The following IHO1 variants were observed in gnomAD, a reference collection of about 807,000 sequenced individuals.
IHO1 encodes the protein interactor of HORMAD1 1.
A neutral mutation model predicts 31.0 loss-of-function variants in IHO1; 13 were observed. The observed-to-expected ratio is 0.42, with a 90% CI of 0.27 to 0.67. The LOEUF is 0.67. Ranked by LOEUF, IHO1 falls within the 30% of genes least tolerant of loss-of-function variation. The pLI is 0.24. For missense variants in IHO1, 599 were observed against 687.5 expected, an observed-to-expected ratio of 0.87 and a Z score of 1.44; for synonymous variants, 221 against 248.4, an observed-to-expected ratio of 0.89 and a Z score of 1.04.
intron 2 of IHO1, among the ~76,000 whole-genome samples, chr3:49,214,607 C>CATATATATATATATATATACATATAT (rs1575568932): frequency 8.1e-5 from 2 of 24,788 alleles, no homozygotes; most frequent in Non-Finnish European, 1.3e-4. Context: ...ATTTCTAGAT[C>CATATATATATATATATATACATATAT]ATATATATAT....
chr3:49,249,326 A>G (rs1267173757), intron 6 of IHO1, among the ~76,000 whole-genome samples: 1 of 151,698 alleles, frequency 6.6e-6, no homozygotes, highest in African/African-American at 2.4e-5. Context: ...GCTGAAGTGC[A>G]GTGGCGTGAT....
chr3:49,241,686 T>A (rs2046633913), intron 4 of IHO1, among the ~76,000 whole-genome samples: 2 of 151,982 alleles, frequency 1.3e-5, no homozygotes, highest in Admixed American at 6.6e-5. Flanking sequence ...AGTGGCACAA[T>A]CTTGGCTCAC....
chr3:49,219,794 G>A (rs1433839631), intron 2 of IHO1, among the ~76,000 whole-genome samples: 1 of 152,186 alleles, frequency 6.6e-6, no homozygotes, highest in Admixed American at 6.5e-5. Flanking sequence ...AAGCATCAGG[G>A]TAACAATGGG....
Position 49,234,888 on chromosome 3 carries a change from C to CGGAGTGGAGTG in IHO1, c.57-1660_57-1659insGGAGTGGAGTG, listed in dbSNP as rs1470731674. Among the ~76,000 whole-genome samples, 6 of 151,852 alleles carry CGGAGTGGAGTG rather than the reference C, an allele frequency of 4.0e-5. No homozygotes were observed. In the South Asian group the frequency reaches 6.2e-4, roughly 16 times the overall value. On this transcript the variant is annotated intron_variant, in intron 2 of 7. Transcript: ENST00000452691. ...TTGAGACTGAGTCTCACTGTATCACCCAGGCTGGAGTGCAGTGGCACAATC... is the reference window on the plus strand; with the variant it reads ...TTGAGACTGAGTCTCACTGTATCACCGGAGTGGAGTGCAGGCTGGAGTGCAGTGGCACAATC...
intron 2 of IHO1, among the ~76,000 whole-genome samples, chr3:49,227,211 C>T (rs1024512440): frequency 2.0e-5 from 3 of 152,198 alleles, no homozygotes; most frequent in African/African-American, 7.2e-5. Flanking sequence ...GTAATTTATA[C>T]TTCCCTCAGA....
At position 49,244,683 on chromosome 3, in the gene IHO1, G is replaced by T; in HGVS notation, c.482G>T (p.Ser161Ile). ...GTGGAAAAGTCTGAGGACCATCTCAGTTCAAGAAGCCAATCTATTTTGGAT... is the reference window on the plus strand; with the variant it reads ...GTGGAAAAGTCTGAGGACCATCTCATTTCAAGAAGCCAATCTATTTTGGAT... ...TSVEKSEDHL[S>I]SRSQSILDSL... Residue 161 changes from serine to isoleucine, a missense_variant, in exon 6 of 8, where the codon AGT becomes ATT. Ser to Ile is a moderately radical substitution (Grantham distance 142). Transcript: ENST00000452691. 6.2e-7 allele frequency: 1 copy of T among 1,614,176 alleles called. No homozygotes were observed. The highest frequency in any genetic ancestry group is 2.2e-5 in the East Asian group (1 of 44,888).
chr3:49,257,038 C>G lies in IHO1; in HGVS notation c.1541C>G (p.Pro514Arg). The part of the protein sequence containing the change: ...CPRSPRKPVC[P>R]ILGGTVMPNK... Reference sequence around the variant, plus strand: ...AGGAGCCCCAGAAAACCAGTCTGCCCTATTCTGGGAGGAACAGTCATGCCC... The same window carrying G: ...AGGAGCCCCAGAAAACCAGTCTGCCGTATTCTGGGAGGAACAGTCATGCCC... The change falls in exon 8 of 8, where the codon CCT becomes CGT. Residue 514 changes from proline to arginine, a missense_variant. Coordinates refer to ENST00000452691, the MANE Select transcript of IHO1 (RefSeq NM_001135197.2). The G allele has an allele frequency of 1.2e-6, 2 of 1,614,242 alleles. No individual in the cohort carries two copies. The highest frequency in any genetic ancestry group is 1.7e-6 in the Non-Finnish European group (2 of 1,180,040).
intron 2 of IHO1, 130 bp from the exon 3 acceptor site, chr3:49,236,418 A>C: frequency 1.6e-6 from 1 of 636,360 alleles, no homozygotes; most frequent in South Asian, 2.1e-5. Context: ...CTGACAATAT[A>C]CAGGGGACTT....
chr3:49,232,409 C>A (rs1293941585), intron 2 of IHO1, among the ~76,000 whole-genome samples: 1 of 152,196 alleles, frequency 6.6e-6, no homozygotes, highest in Non-Finnish European at 1.5e-5. Flanking sequence ...GCTACAAAGA[C>A]AGAAGCAGAA....
chr3:49,195,248 C>G (rs1435009884), upstream of IHO1, among the ~76,000 whole-genome samples: 2 of 151,264 alleles, frequency 1.3e-5, no homozygotes, highest in Admixed American at 1.3e-4. Flanking sequence ...GGTGAAACCC[C>G]GTCTCTACTA....
In IHO1 at chr3:49,226,096, A is replaced by G. The variant is rs537254999; in HGVS notation, c.57-10452A>G. ...AGTGTCCTTGCAAACCACACTGGTA[A>G]CAAGCCCTACCAGGTAATTGGCATG... is the stretch of plus-strand genomic sequence containing the variant. On this transcript the variant is annotated intron_variant, in intron 2 of 7. Coordinates refer to ENST00000452691, the MANE Select transcript of IHO1 (RefSeq NM_001135197.2). 1.6e-4 allele frequency among the ~76,000 whole-genome samples: 24 copies of G among 152,288 alleles called. No individual in the cohort carries two copies. In the South Asian group the frequency reaches 4.8e-3, roughly 30 times the overall value.
chr3:49,196,620 T>G (rs2045998030), upstream of IHO1, among the ~76,000 whole-genome samples: 1 of 151,150 alleles, frequency 6.6e-6, no homozygotes, highest in African/African-American at 2.4e-5. Context: ...GTAGCTGGGA[T>G]TACAGGCGTG....
At chr3:49,239,959 C>T (rs2046609882) in intron 3 of IHO1, among the ~76,000 whole-genome samples, 1 of 152,186 alleles carries the variant, frequency 6.6e-6, no homozygotes, top group Non-Finnish European at 1.5e-5. Context: ...CTGTGCCCAG[C>T]CTGGGCTCAA....
chr3:49,251,928 A>G (rs896189200), intron 6 of IHO1, among the ~76,000 whole-genome samples: 3 of 146,404 alleles, frequency 2.0e-5, no homozygotes, highest in Admixed American at 6.8e-5. Flanking sequence ...ACGAGATTAT[A>G]TCAAGAGATT....
chr3:49,223,420 T>C (rs939903703), intron 2 of IHO1, among the ~76,000 whole-genome samples: 2 of 152,162 alleles, frequency 1.3e-5, no homozygotes, highest in Admixed American at 6.6e-5. Context: ...TGGCCAGGTG[T>C]GTGGCTTATG....
Position 49,256,924 on chromosome 3 carries a change from A to G in IHO1, c.1427A>G (p.Gln476Arg). 6.2e-7 allele frequency: 1 copy of G among 1,614,218 alleles called. No homozygotes were observed. Among genetic ancestry groups the G allele is most frequent in the Non-Finnish European group, 8.5e-7 (1 of 1,180,038 alleles). Residue 476 changes from glutamine to arginine, a missense_variant, in exon 8 of 8, where the codon CAG becomes CGG. Transcript: ENST00000452691. This position sits in a 1 kb window ranked among gnomAD's most constrained non-coding sequence, Gnocchi z 4.6. ...ACCTGTAAATTCAATTCCAAATATC[A>G]GAGTCCTCAGCCTGCAATTTCTGTC... The part of the protein sequence containing the change: ...IQTCKFNSKY[Q>R]SPQPAISVPQ...
upstream of IHO1, among the ~76,000 whole-genome samples, chr3:49,193,573 G>C (rs1190636362): frequency 7.5e-6 from 1 of 134,104 alleles, no homozygotes; most frequent in African/African-American, 2.8e-5. Context: ...GGCGCCTGTA[G>C]TCCCAGCTAC....
intron 1 of IHO1, among the ~76,000 whole-genome samples, chr3:49,204,260 A>G (rs1294280979): frequency 6.6e-6 from 1 of 152,206 alleles, no homozygotes; most frequent in Non-Finnish European, 1.5e-5. Context: ...TGGAGGGGAC[A>G]TTTAAAACAT....
upstream of IHO1, among the ~76,000 whole-genome samples, chr3:49,196,470 C>A (rs1304336177): frequency 6.7e-6 from 1 of 148,530 alleles, no homozygotes; most frequent in African/African-American, 2.5e-5. Flanking sequence ...AGGCGCCCAC[C>A]ACCACGCCCG....
Sources: allele counts gnomAD v4.1 joint callset (sites outside exome capture counted in the v4.1 genomes callset), GRCh38; gene constraint gnomAD v4.1.1; non-coding constraint Gnocchi (gnomAD v3.1); transcripts MANE v1.5; gene names NCBI Gene and HGNC (gene_info 2026-07-23, HGNC 2026-07-21).